The following COL24A1 variants were observed in gnomAD, a reference collection of about 807,000 sequenced individuals.
The protein encoded by COL24A1 is collagen alpha-1(XXIV) chain.
A neutral mutation model predicts 253.9 loss-of-function variants in COL24A1; 224 were observed. That is an observed-to-expected ratio of 0.88 (90% CI 0.79 to 0.99). The LOEUF is 0.99. COL24A1 is among the 50% of genes least tolerant of loss of function. The probability of loss-of-function intolerance (pLI) is 0.00; values close to 1 mark genes in which losing one functional copy is unlikely to be tolerated. For missense variants in COL24A1, 2,131 were observed against 2,068.5 expected (o/e 1.03, Z -0.59); for synonymous variants, 685 against 673.7 (o/e 1.02, Z -0.26).
intron 24 of COL24A1, among the ~76,000 whole-genome samples, chr1:85,944,475 T>C (rs183704006): frequency 6.6e-6 from 1 of 152,164 alleles, no homozygotes; most frequent in African/African-American, 2.4e-5. Flanking sequence ...TTTAAAAAAA[T>C]TTTAAATTAT....
intron 20 of COL24A1, among the ~76,000 whole-genome samples, chr1:85,972,030 A>G (rs547840064): frequency 6.6e-6 from 1 of 152,328 alleles, no homozygotes; most frequent in South Asian, 2.1e-4. Flanking sequence ...AAACTCTTTC[A>G]AAGTTAATTA....
At chr1:86,069,595 T>G (rs972001832) in intron 7 of COL24A1, among the ~76,000 whole-genome samples, 1 of 151,882 alleles carries the variant, frequency 6.6e-6, no homozygotes, top group Non-Finnish European at 1.5e-5. Flanking sequence ...CCAGCACAGT[T>G]CCAGTGGTGA....
chr1:85,961,730 C>A (rs1253104211), intron 23 of COL24A1, among the ~76,000 whole-genome samples: 2 of 152,146 alleles, frequency 1.3e-5, no homozygotes, highest in African/African-American at 2.4e-5. Context: ...AGCTTACAAT[C>A]ATGATGGAAG....
chr1:85,738,927 C>A (rs1246255954), intron 57 of COL24A1, among the ~76,000 whole-genome samples: 2 of 152,120 alleles, frequency 1.3e-5, no homozygotes, highest in African/African-American at 4.8e-5. Context: ...CTGGGCCCTA[C>A]CCTTGAGAGT....
intron 2 of COL24A1, among the ~76,000 whole-genome samples, chr1:86,127,647 C>T (rs554333461): frequency 6.7e-6 from 1 of 149,054 alleles, no homozygotes; most frequent in South Asian, 2.1e-4. Flanking sequence ...TCATCTCCAA[C>T]CAGAAATGTT....
At chr1:86,150,101 C>A (rs945907027) in intron 1 of COL24A1, among the ~76,000 whole-genome samples, 2 of 152,106 alleles carry the variant, frequency 1.3e-5, no homozygotes, top group African/African-American at 4.8e-5. Flanking sequence ...ACTGGAAAGA[C>A]CTTGTATATG....
intron 24 of COL24A1, among the ~76,000 whole-genome samples, chr1:85,953,859 A>T (rs1690172054): frequency 6.6e-6 from 1 of 152,190 alleles, no homozygotes; most frequent in South Asian, 2.1e-4. Context: ...CTTAAAAATC[A>T]GAGGTTATTA....
intron 19 of COL24A1, among the ~76,000 whole-genome samples, chr1:85,999,354 G>C (rs1695171665): frequency 6.6e-6 from 1 of 152,184 alleles, no homozygotes; most frequent in Non-Finnish European, 1.5e-5. Context: ...GCTGGGGGCA[G>C]TGGCTCACAC....
At chr1:86,027,612 T>C (rs1011178166) in intron 14 of COL24A1, among the ~76,000 whole-genome samples, 10 of 152,190 alleles carry the variant, frequency 6.6e-5, no homozygotes, top group Admixed American at 2.6e-4. Flanking sequence ...TGTCAGGAAA[T>C]GCCTGGATGT....
At chr1:86,039,817 A>G (rs1699317700) in intron 12 of COL24A1, among the ~76,000 whole-genome samples, 1 of 152,194 alleles carries the variant, frequency 6.6e-6, no homozygotes, top group Non-Finnish European at 1.5e-5. Flanking sequence ...TCAAATATAA[A>G]ACAAGATCAC....
At position 86,133,935 on chromosome 1, in the gene COL24A1, C is replaced by T. The variant is rs562446135; in HGVS notation, c.122-7721G>A. On this transcript the variant is annotated intron_variant, in intron 2 of 59. Coordinates refer to ENST00000370571, the MANE Select transcript of COL24A1 (RefSeq NM_152890.7). ...TTCAGAAGGAATGGTACCAGCTCCT[C>T]CTTGTACCTCTGGTAGAATTCGGCT... Among the ~76,000 whole-genome samples the T allele has an allele frequency of 5.4e-3, 814 of 152,084 alleles. 9 individuals carry two copies. Among genetic ancestry groups the T allele is most frequent in the African/African-American group, 0.019 (770 of 41,504 alleles).
At chr1:86,027,946 T>C (rs533748653) in intron 14 of COL24A1, among the ~76,000 whole-genome samples, 6 of 152,338 alleles carry the variant, frequency 3.9e-5, no homozygotes, top group African/African-American at 1.4e-4. Flanking sequence ...GACCTGGATG[T>C]GAGACACGGA....
chr1:86,057,113 C>T lies in COL24A1; in HGVS notation c.1851+818G>A, dbSNP rs754666762. On this transcript the variant is annotated intron_variant, in intron 10 of 59. Coordinates refer to ENST00000370571, the MANE Select transcript of COL24A1 (RefSeq NM_152890.7). ...TGACTGGATTGGGGGGCGGATCCCT[C>T]GTGGATGGTTTAGCATCATCTCCTT... 1.6e-4 allele frequency among the ~76,000 whole-genome samples: 24 copies of T among 152,060 alleles called. 1 individual carries two copies. Among genetic ancestry groups the T allele is most frequent in the South Asian group, 4.1e-4 (2 of 4,826 alleles).
intron 24 of COL24A1, among the ~76,000 whole-genome samples, chr1:85,949,633 C>T (rs913740521): frequency 1.3e-5 from 2 of 152,022 alleles, no homozygotes; most frequent in African/African-American, 4.8e-5. Context: ...TTCATTGCTG[C>T]CCAAGTTGAA....
chr1:85,738,890 A>G (rs1274608150), intron 57 of COL24A1, among the ~76,000 whole-genome samples: 3 of 152,186 alleles, frequency 2.0e-5, no homozygotes, highest in African/African-American at 7.2e-5. Flanking sequence ...TTTAGTGTGC[A>G]TCAAACCATC....
intron 20 of COL24A1, among the ~76,000 whole-genome samples, chr1:85,984,235 G>A (rs1253266560): frequency 6.6e-6 from 1 of 151,688 alleles, no homozygotes; most frequent in Non-Finnish European, 1.5e-5. Context: ...AAAGTTCTCT[G>A]GTTCTTCACC....
chr1:85,922,577 T>G (rs980015157), intron 24 of COL24A1, among the ~76,000 whole-genome samples: 1 of 152,176 alleles, frequency 6.6e-6, no homozygotes, highest in African/African-American at 2.4e-5. Context: ...CTAAGCTTCA[T>G]AGGTGAAGGA....
At chr1:86,124,033 A>C (rs1444907768) in intron 3 of COL24A1, among the ~76,000 whole-genome samples, 2 of 152,036 alleles carry the variant, frequency 1.3e-5, no homozygotes, top group African/African-American at 4.8e-5. Flanking sequence ...AAGTATACAA[A>C]TATGAAGCAT....
intron 24 of COL24A1, among the ~76,000 whole-genome samples, chr1:85,943,764 A>G (rs1479515096): frequency 6.6e-6 from 1 of 152,244 alleles, no homozygotes; most frequent in East Asian, 1.9e-4. Context: ...GCAGGTTGAA[A>G]GTCCAAGAAA....
Sources: gnomAD v4.1 joint callset for allele counts (sites outside exome capture counted in the v4.1 genomes callset) on GRCh38, gnomAD v4.1.1 for gene constraint, MANE v1.5 for transcripts, NCBI Gene and HGNC (gene_info 2026-07-23, HGNC 2026-07-21) for gene names.